The following CHRNA7 variants were observed in gnomAD, a reference collection of about 807,000 sequenced individuals.
CHRNA7 encodes the protein cholinergic receptor nicotinic alpha 7 subunit, also known as neuronal acetylcholine receptor subunit alpha-7.
CHRNA7 carries 17 observed loss-of-function variants against 48.0 expected under a neutral mutation model. The observed-to-expected ratio is 0.35, with a 90% confidence interval of 0.24 to 0.53. The LOEUF (loss-of-function observed/expected upper bound fraction) is 0.53. Among genes scored for constraint, CHRNA7 ranks in the 20% least tolerant of loss-of-function variants. The pLI, the probability that CHRNA7 is intolerant of heterozygous loss-of-function variation, is 0.92. For missense variants in CHRNA7, 155 were observed against 577.7 expected (o/e 0.27, Z 7.50); for synonymous variants, 75 against 242.3 (o/e 0.31, Z 6.41).
intron 2 of CHRNA7, among the ~76,000 whole-genome samples, chr15:32,096,362 GTTTA>G (rs2050468599): frequency 6.6e-6 from 1 of 151,958 alleles, no homozygotes; most frequent in South Asian, 2.1e-4. Flanking sequence ...ATTTTTTGGA[GTTTA>G]TTTCTTATTC....
At chr15:32,062,383 A>G (rs559668648) in intron 2 of CHRNA7, among the ~76,000 whole-genome samples, 2 of 152,320 alleles carry the variant, frequency 1.3e-5, no homozygotes, top group Admixed American at 1.3e-4. Context: ...GAGCCATGCA[A>G]TAGGCTATAT....
intron 4 of CHRNA7, among the ~76,000 whole-genome samples, chr15:32,146,081 A>T (rs564095627): frequency 6.6e-6 from 1 of 152,356 alleles, no homozygotes; most frequent in Admixed American, 6.5e-5. Context: ...TAACTAAAAT[A>T]TCAGCATAAC....
rs1233237031 is a variant in CHRNA7 at position 32,098,885 on chromosome 15, C to CACACACACACACAT, written c.196-2405_196-2404insTACACACACACACA. The stretch of plus-strand genomic sequence containing the variant: ...CCCCCCCCACCAACACACACACACA[C>CACACACACACACAT]ACACACACACACACACACACACACT... On this transcript the variant is annotated intron_variant, in intron 2 of 9. Coordinates refer to ENST00000306901, the MANE Select transcript of CHRNA7 (RefSeq NM_000746.6). 31 of 153,336 alleles carry CACACACACACACAT rather than the reference C, an allele frequency of 2.0e-4. 1 individual carries two copies. Among genetic ancestry groups the CACACACACACACAT allele is most frequent in the African/African-American group, 7.3e-4 (30 of 41,220 alleles). 9.5% of individuals were successfully genotyped at this position (153,336 alleles called of 1,614,324 possible). A position where few individuals can be genotyped will look rare whatever the true frequency, so the allele number is the denominator to read the frequency against.
At chr15:32,122,609 T>A (rs918612820) in intron 4 of CHRNA7, among the ~76,000 whole-genome samples, 3 of 152,158 alleles carry the variant, frequency 2.0e-5, no homozygotes, top group African/African-American at 7.2e-5. Context: ...TTTTTTATTG[T>A]GTATGGTTTT....
chr15:32,030,510 G>A (rs1250974653), upstream of CHRNA7: 19 of 1,291,846 alleles, frequency 1.5e-5, no homozygotes, highest in East Asian at 2.9e-4. Flanking sequence ...GCCGAGCGGC[G>A]AGGTGCCTCT....
chr15:32,036,694 A>AT (rs1902105264), intron 2 of CHRNA7, among the ~76,000 whole-genome samples: 1 of 150,406 alleles, frequency 6.6e-6, no homozygotes, highest in African/African-American at 2.4e-5. Flanking sequence ...GATGTGGAGC[A>AT]TTTTTTCAGA....
intron 4 of CHRNA7, among the ~76,000 whole-genome samples, chr15:32,123,607 C>T (rs1380545679): frequency 6.6e-6 from 1 of 152,158 alleles, no homozygotes; most frequent in Non-Finnish European, 1.5e-5. Context: ...GCATAAATCT[C>T]CTTTCTAGGG....
chr15:32,038,240 C>A (rs1443524583), intron 2 of CHRNA7, among the ~76,000 whole-genome samples: 1 of 148,732 alleles, frequency 6.7e-6, no homozygotes, highest in Non-Finnish European at 1.5e-5. Context: ...TATGTATATA[C>A]ACACATATAC....
chr15:32,062,695 G>A (rs1304701203), intron 2 of CHRNA7, among the ~76,000 whole-genome samples: 1 of 152,044 alleles, frequency 6.6e-6, no homozygotes, highest in East Asian at 1.9e-4. Context: ...GACCCAGTTC[G>A]ATTCAGACAC....
chr15:32,128,346 A>C (rs753837002), intron 4 of CHRNA7, among the ~76,000 whole-genome samples: 5 of 151,970 alleles, frequency 3.3e-5, no homozygotes, highest in Non-Finnish European at 7.4e-5. Context: ...CTGGGTTTTT[A>C]ATGGGAATTG....
intron 2 of CHRNA7, among the ~76,000 whole-genome samples, chr15:32,057,789 T>C (rs995308240): frequency 1.3e-5 from 2 of 152,188 alleles, no homozygotes; most frequent in African/African-American, 2.4e-5. Context: ...ATAACAGATA[T>C]GTTGATAAAA....
intron 2 of CHRNA7, among the ~76,000 whole-genome samples, chr15:32,091,230 C>G (rs2050377004): frequency 6.6e-6 from 1 of 152,076 alleles, no homozygotes; most frequent in Admixed American, 6.6e-5. Flanking sequence ...GGGCTTATTC[C>G]TCCTGACTTG....
intron 2 of CHRNA7, among the ~76,000 whole-genome samples, chr15:32,096,285 C>T (rs997669954): frequency 1.6e-4 from 25 of 152,068 alleles, no homozygotes; most frequent in Admixed American, 2.6e-4. Context: ...TATTGATATC[C>T]TCTTGGTAAA....
intron 4 of CHRNA7, among the ~76,000 whole-genome samples, chr15:32,137,985 A>G (rs1202259829): frequency 6.6e-6 from 1 of 152,144 alleles, no homozygotes; most frequent in Non-Finnish European, 1.5e-5. Flanking sequence ...AAGGCTTTTA[A>G]TATCTTTTTT....
At chr15:32,053,016 TAAA>T (rs921011810) in intron 2 of CHRNA7, among the ~76,000 whole-genome samples, 3 of 152,088 alleles carry the variant, frequency 2.0e-5, no homozygotes, top group Non-Finnish European at 4.4e-5. Flanking sequence ...TAGATATAAA[TAAA>T]AAAATCTGTA....
intron 2 of CHRNA7, among the ~76,000 whole-genome samples, chr15:32,094,819 C>T (rs1479916314): frequency 2.0e-5 from 3 of 152,158 alleles, no homozygotes; most frequent in Non-Finnish European, 4.4e-5. Flanking sequence ...TGCCACCGCG[C>T]CTGGCTAATT....
chr15:32,035,875 C>G (rs1234746812), intron 2 of CHRNA7, among the ~76,000 whole-genome samples: 1 of 152,042 alleles, frequency 6.6e-6, no homozygotes, highest in Non-Finnish European at 1.5e-5. Flanking sequence ...ATCAACATTC[C>G]CCACTAGAGT....
At chr15:32,088,903 G>A in intron 2 of CHRNA7, among the ~76,000 whole-genome samples, 1 of 152,054 alleles carries the variant, frequency 6.6e-6, no homozygotes, top group East Asian at 1.9e-4. Context: ...CTTCCATAGA[G>A]CAGTTTTTAA....
At chr15:32,057,177 T>C (rs1024063053) in intron 2 of CHRNA7, among the ~76,000 whole-genome samples, 2 of 152,222 alleles carry the variant, frequency 1.3e-5, no homozygotes, top group African/African-American at 4.8e-5. Context: ...CTTAATAAAT[T>C]AGGTTGCCTT....
Sources: gnomAD v4.1 joint callset for allele counts (sites outside exome capture counted in the v4.1 genomes callset) on GRCh38, gnomAD v4.1.1 for gene constraint, MANE v1.5 for transcripts, NCBI Gene and HGNC (gene_info 2026-07-23, HGNC 2026-07-21) for gene names.